The following SLC4A4 variants were observed in gnomAD, a reference collection of about 807,000 sequenced individuals.
SLC4A4 encodes solute carrier family 4 member 4, also known as electrogenic sodium bicarbonate cotransporter 1.
A neutral mutation model predicts 111.5 loss-of-function variants in SLC4A4; 27 were observed. The ratio of observed to expected loss-of-function variants is 0.24; its 90% CI spans 0.18 to 0.33. SLC4A4 has a LOEUF of 0.33. Among genes scored for constraint, SLC4A4 ranks in the 10% least tolerant of loss-of-function variants. The pLI is 1.00. For missense variants in SLC4A4, 909 were observed against 1,315.5 expected (o/e 0.69, Z 4.78); for synonymous variants, 443 against 463.4 (o/e 0.96, Z 0.57).
intron 1 of SLC4A4, among the ~76,000 whole-genome samples, chr4:71,068,069 T>G (rs1388284008): frequency 6.7e-6 from 1 of 148,188 alleles, no homozygotes; most frequent in African/African-American, 2.5e-5. Context: ...AACGTTTTTT[T>G]TTTTTTTTTT....
Position 71,568,097 on chromosome 4 carries a change from T to G in SLC4A4, c.*346T>G. 4.3e-6 allele frequency: 2 copies of G among 461,038 alleles called. No individual in the cohort carries two copies. The highest frequency in any genetic ancestry group is 5.6e-5 in the South Asian group (2 of 35,748). 28.6% of individuals were successfully genotyped at this position (461,038 alleles called of 1,614,324 possible). On this transcript the variant is annotated 3_prime_UTR_variant, in exon 26 of 26. Transcript: ENST00000264485. ...AAAAACAGCATCTGAGGAATCCCCC[T>G]TTTGTTCTTAAACTTTCAGATGTGT...
intron 2 of SLC4A4, among the ~76,000 whole-genome samples, chr4:71,120,498 C>A (rs544028477): frequency 6.6e-6 from 1 of 152,300 alleles, no homozygotes; most frequent in East Asian, 1.9e-4. Context: ...TGGCTTTTCC[C>A]TCTAGTCTCT....
intron 12 of SLC4A4, among the ~76,000 whole-genome samples, chr4:71,456,190 A>G (rs561208008): frequency 8.5e-5 from 13 of 152,108 alleles, no homozygotes; most frequent in Admixed American, 6.6e-4. Flanking sequence ...GAAACTGTGG[A>G]TGGATTGTTT....
At chr4:71,151,530 A>T (rs1425863142) in intron 2 of SLC4A4, among the ~76,000 whole-genome samples, 1 of 151,890 alleles carries the variant, frequency 6.6e-6, no homozygotes, top group African/African-American at 2.4e-5. Flanking sequence ...ACTGTTTTTT[A>T]ACACCATCTG....
chr4:71,144,090 T>C (rs1744094052), intron 2 of SLC4A4, among the ~76,000 whole-genome samples: 1 of 152,270 alleles, frequency 6.6e-6, no homozygotes, highest in Non-Finnish European at 1.5e-5. Context: ...GTCTAACATG[T>C]AAGTATTTAA....
intron 1 of SLC4A4, among the ~76,000 whole-genome samples, chr4:71,190,384 TTACACA>T (rs1745671511): frequency 9.9e-6 from 1 of 100,720 alleles, no homozygotes; most frequent in Non-Finnish European, 2.0e-5. Flanking sequence ...CTATGTATGT[TTACACA>T]CACACACACA....
intron 6 of SLC4A4, among the ~76,000 whole-genome samples, chr4:71,388,908 A>G (rs1348590114): frequency 1.3e-5 from 2 of 152,230 alleles, no homozygotes; most frequent in African/African-American, 4.8e-5. Flanking sequence ...TTATTAGAAT[A>G]AGACTCTCAA....
chr4:71,112,005 C>G (rs1382474179), intron 2 of SLC4A4, among the ~76,000 whole-genome samples: 1 of 152,164 alleles, frequency 6.6e-6, no homozygotes, highest in Non-Finnish European at 1.5e-5. Flanking sequence ...CCTTAAATTT[C>G]TTAATATTCA....
intron 7 of SLC4A4, among the ~76,000 whole-genome samples, chr4:71,439,733 G>C (rs1362022383): frequency 6.6e-6 from 1 of 151,770 alleles, no homozygotes; most frequent in Non-Finnish European, 1.5e-5. Flanking sequence ...CTCACAGCCA[G>C]GATTGTGCCA....
intron 1 of SLC4A4, among the ~76,000 whole-genome samples, chr4:71,062,908 G>T (rs2046669968): frequency 6.6e-6 from 1 of 152,122 alleles, no homozygotes; most frequent in Non-Finnish European, 1.5e-5. Flanking sequence ...CTTCTGTCCT[G>T]ATTTGATTTT....
chr4:71,465,624 C>T (rs1420729013), intron 12 of SLC4A4, among the ~76,000 whole-genome samples: 1 of 151,658 alleles, frequency 6.6e-6, no homozygotes, highest in Non-Finnish European at 1.5e-5. Flanking sequence ...AGTTTGTCAT[C>T]CTTGAAAGCA....
intron 7 of SLC4A4, among the ~76,000 whole-genome samples, chr4:71,422,296 G>C (rs1286882415): frequency 6.9e-6 from 1 of 145,402 alleles, no homozygotes; most frequent in Admixed American, 6.9e-5. Flanking sequence ...GGAAGAAGTT[G>C]AATCTCTGAA....
chr4:71,196,795 C>T lies in SLC4A4; in HGVS notation c.-2+9394C>T, dbSNP rs532648951. On this transcript the variant is annotated intron_variant, in intron 1 of 25. Coordinates refer to ENST00000264485, the MANE Select transcript of SLC4A4 (RefSeq NM_001098484.3). Reference sequence around the variant, plus strand: ...GCTGCAGTGAGCCGAGATTGCACCACTCTACTCCAGCCTGGGTGACAGAGC... The same window carrying T: ...GCTGCAGTGAGCCGAGATTGCACCATTCTACTCCAGCCTGGGTGACAGAGC... Among the ~76,000 whole-genome samples, 5 of 117,714 alleles carry T rather than the reference C, an allele frequency of 4.2e-5. No homozygotes were observed. In the South Asian group the frequency reaches 1.5e-3, roughly 34 times the overall value. The allele number at this position is 117,714 out of a possible 152,430, so 77.2% of individuals were successfully genotyped here. A position where few individuals can be genotyped will look rare whatever the true frequency, so the allele number is the denominator to read the frequency against.
At chr4:71,273,863 G>A (rs1444398826) in intron 3 of SLC4A4, among the ~76,000 whole-genome samples, 2 of 152,068 alleles carry the variant, frequency 1.3e-5, no homozygotes, top group East Asian at 3.8e-4. Context: ...TTCTTTATCT[G>A]AAAAATGGTG....
At chr4:71,121,450 G>A (rs1337025364) in intron 2 of SLC4A4, among the ~76,000 whole-genome samples, 1 of 152,242 alleles carries the variant, frequency 6.6e-6, no homozygotes, top group Non-Finnish European at 1.5e-5. Flanking sequence ...GGGGTGGGGT[G>A]TTGGAGAACT....
intron 24 of SLC4A4, among the ~76,000 whole-genome samples, chr4:71,564,301 C>T (rs901217905): frequency 6.6e-6 from 1 of 151,672 alleles, no homozygotes; most frequent in Non-Finnish European, 1.5e-5. Context: ...TCATTGGTCT[C>T]TCAGTGATCA....
chr4:71,374,021 G>T (rs1732121188), intron 6 of SLC4A4, among the ~76,000 whole-genome samples: 1 of 152,142 alleles, frequency 6.6e-6, no homozygotes, highest in Non-Finnish European at 1.5e-5. Flanking sequence ...TTGAAGATAT[G>T]TTTCACTAGC....
At chr4:71,066,583 G>A in intron 1 of SLC4A4, among the ~76,000 whole-genome samples, 1 of 152,072 alleles carries the variant, frequency 6.6e-6, no homozygotes, top group South Asian at 2.1e-4. Flanking sequence ...ATTTTAGCAG[G>A]GCTAGAGTAA....
intron 6 of SLC4A4, among the ~76,000 whole-genome samples, chr4:71,377,941 G>A (rs749610121): frequency 1.3e-5 from 2 of 152,122 alleles, no homozygotes; most frequent in African/African-American, 2.4e-5. Flanking sequence ...GAATCATGGC[G>A]GGAGGTGAAA....
Sources: gnomAD v4.1 joint callset for allele counts (sites outside exome capture counted in the v4.1 genomes callset) on GRCh38, gnomAD v4.1.1 for gene constraint, MANE v1.5 for transcripts, NCBI Gene and HGNC (gene_info 2026-07-23, HGNC 2026-07-21) for gene names.